The following HDAC7 variants were observed in gnomAD, a reference collection of about 807,000 sequenced individuals.
The protein encoded by HDAC7 is histone deacetylase 7A.
Under a neutral mutation model 115.5 loss-of-function variants are expected in HDAC7, and 26 were observed. The ratio of observed to expected loss-of-function variants is 0.23; its 90% confidence interval spans 0.16 to 0.31. The LOEUF (loss-of-function observed/expected upper bound fraction) is 0.31, where lower values mean the gene tolerates loss of function less well. HDAC7 is among the 10% of genes least tolerant of loss of function. The pLI is 1.00. For synonymous variants in HDAC7, 564 were observed against 550.9 expected (o/e 1.02, Z -0.33); for missense variants, 1,068 against 1,329.0 (o/e 0.80, Z 3.05).
Position 47,797,855 on chromosome 12 carries a change from G to GGTGTGTGTGTGTGTGTGTGTGT in HDAC7, c.461+231_461+252dup, listed in dbSNP as rs373121556. Among the ~76,000 whole-genome samples, 75 of 123,942 alleles carry GGTGTGTGTGTGTGTGTGTGTGT rather than the reference G, an allele frequency of 6.1e-4. No individual in the cohort carries two copies. The highest frequency in any genetic ancestry group is 1.8e-3 in the Admixed American group (23 of 12,454). The allele number at this position is 123,942 out of a possible 152,430, so 81.3% of individuals were successfully genotyped here. A position where few individuals can be genotyped will look rare whatever the true frequency, so the allele number is the denominator to read the frequency against. On this transcript the variant is annotated intron_variant, in intron 5 of 25. Transcript: ENST00000080059. The surrounding 1 kb of genome is among the most constrained non-coding windows in gnomAD (Gnocchi z 5.5). ...TCATGTGCAAGAAAAAAGCCAGTAGGGTGTGTGTGTGTGTGTGTGTGTGTG... is the reference window on the plus strand; with the variant it reads ...TCATGTGCAAGAAAAAAGCCAGTAGGGTGTGTGTGTGTGTGTGTGTGTGTGTGTGTGTGTGTGTGTGTGTGTG...
intron 14 of HDAC7, 70 bp downstream of exon 14, chr12:47,791,801 G>GGCCCCCCCCCCC: frequency 6.6e-7 from 1 of 1,511,064 alleles, no homozygotes; most frequent in Non-Finnish European, 9.0e-7. Flanking sequence ...GGGCCCCAGG[G>GGCCCCCCCCCCC]CCCCCCACCC....
rs565493930 is a variant in HDAC7, at chr12:47,803,685, T to C, written c.20-1411A>G. Among the ~76,000 whole-genome samples, 2 of 152,350 alleles carry C rather than the reference T, an allele frequency of 1.3e-5. No homozygotes were observed. The highest frequency in any genetic ancestry group is 4.8e-5 in the African/African-American group (2 of 41,578). ...GTGCCCTGTGGAAGCCATGCCCATC[T>C]GCACCAAACACCTCGCAGGGCACGT... is the stretch of plus-strand genomic sequence containing the variant. On this transcript the variant is annotated intron_variant, in intron 1 of 25. Coordinates refer to ENST00000080059, the MANE Select transcript of HDAC7 (RefSeq NM_015401.5). The surrounding 1 kb of genome is among the most constrained non-coding windows in gnomAD (Gnocchi z 4.0).
chr12:47,811,952 C>T (rs542862453), intron 1 of HDAC7, among the ~76,000 whole-genome samples: 5 of 152,332 alleles, frequency 3.3e-5, no homozygotes, highest in South Asian at 2.1e-4. Context: ...CTTCCAGAGC[C>T]GCTGTGCTGG....
Position 47,793,379 on chromosome 12 carries a change from G to C in HDAC7, c.1668C>G (p.Pro556=), listed in dbSNP as rs1943631508. The part of the protein sequence containing the change: ...SSSETPARTL[P]FTTGLIYDSV... ...TCCTCCCGGTCTCACCTGTGGTGAA[G>C]GGCAGGGTCCTGGCAGGGGTCTCTG... The change falls in exon 13 of 26, where the codon CCC becomes CCG. Residue 556 remains proline (P), a synonymous_variant. Coordinates refer to ENST00000080059, the MANE Select transcript of HDAC7 (RefSeq NM_015401.5). The surrounding 1 kb of genome is among the most constrained non-coding windows in gnomAD (Gnocchi z 4.5). 1.3e-6 allele frequency: 2 copies of C among 1,486,900 alleles called. No individual in the cohort carries two copies. The highest frequency in any genetic ancestry group is 2.0e-5 in the Admixed American group (1 of 48,818). 92.1% of individuals were successfully genotyped at this position (1,486,900 alleles called of 1,614,324 possible). A position where few individuals can be genotyped will look rare whatever the true frequency, so the allele number is the denominator to read the frequency against.
intron 24 of HDAC7, chr12:47,784,525 G>T: frequency 1.6e-6 from 1 of 614,680 alleles, no homozygotes; most frequent in Non-Finnish European, 2.8e-6. Flanking sequence ...CGGGGCTCCT[G>T]AGAGCATCAG....
At position 47,784,221 on chromosome 12, in the gene HDAC7, G is replaced by A. The variant is rs1293258301; in HGVS notation, c.2792-4C>T. On this transcript the variant is annotated splice_polypyrimidine_tract_variant and splice_region_variant and intron_variant, in intron 24 of 25. Transcript: ENST00000080059. ...TGCATGCAGCCCCAGTATTTACCTG[G>A]GGTAAGATGCCAGGTCAGAAAGGGT... 1.2e-6 allele frequency: 2 copies of A among 1,608,848 alleles called. No homozygotes were observed. The highest frequency in any genetic ancestry group is 1.7e-6 in the Non-Finnish European group (2 of 1,177,616).
Position 47,797,069 on chromosome 12 carries a change from T to A in HDAC7, c.651A>T (p.Arg217=). The A allele has an allele frequency of 1.2e-6, 2 of 1,607,060 alleles. No individual in the cohort carries two copies. Among genetic ancestry groups the A allele is most frequent in the Non-Finnish European group, 1.7e-6 (2 of 1,176,864 alleles). ...SLERRKNPLL[R]KESAPPSLRR... The stretch of plus-strand genomic sequence containing the variant: ...GGAGGCTGGGGGGCGCACTCTCCTT[T>A]CGGAGCAGTGGATTCTTCCTCCGCT... The change falls in exon 7 of 26, where the codon CGA becomes CGT. Residue 217 remains arginine, a synonymous_variant. Transcript: ENST00000080059. The surrounding 1 kb of genome is among the most constrained non-coding windows in gnomAD (Gnocchi z 5.5).
intron 13 of HDAC7, chr12:47,792,662 G>T: frequency 2.2e-6 from 1 of 455,974 alleles, no homozygotes; most frequent in Non-Finnish European, 4.4e-6. Flanking sequence ...TACTTCTTTA[G>T]AGTGAACCTT....
Position 47,785,907 on chromosome 12 carries a change from A to G in HDAC7, c.2573-22T>C, listed in dbSNP as rs1199884451. 3 of 1,567,736 alleles carry G rather than the reference A, an allele frequency of 1.9e-6. No individual in the cohort carries two copies. In the African/African-American group the frequency reaches 4.1e-5, roughly 21 times the overall value. ...AAACCTAGAGGTTGGGAGGGGAGAAATGGGAGGGGCGGGAGTGGAGAGGTG... is the reference window on the plus strand; with the variant it reads ...AAACCTAGAGGTTGGGAGGGGAGAAGTGGGAGGGGCGGGAGTGGAGAGGTG... On this transcript the variant is annotated intron_variant, in intron 22 of 25. Transcript: ENST00000080059.
intron 23 of HDAC7, 132 bp downstream of exon 23, chr12:47,785,620 C>A: frequency 7.3e-7 from 1 of 1,374,632 alleles, no homozygotes; most frequent in East Asian, 2.5e-5. Context: ...CAGAGGCTTC[C>A]GCTTCGCCTA....
intron 1 of HDAC7, among the ~76,000 whole-genome samples, chr12:47,808,194 G>C (rs1944484924): frequency 6.6e-6 from 1 of 152,204 alleles, no homozygotes; most frequent in African/African-American, 2.4e-5. Flanking sequence ...GCTATTTTTA[G>C]CTCTTGACAC....
chr12:47,798,260 C>T lies in HDAC7; in HGVS notation c.350-41G>A. On this transcript the variant is annotated intron_variant, in intron 4 of 25. Coordinates refer to ENST00000080059, the MANE Select transcript of HDAC7 (RefSeq NM_015401.5). The surrounding 1 kb of genome is among the most constrained non-coding windows in gnomAD (Gnocchi z 4.3). ...CAGGAGGGGGCTGGAGGTGGGTGGA[C>T]AGGCGGCCTCGTGGCACTACCTGGC... is the stretch of plus-strand genomic sequence containing the variant. 6.7e-7 allele frequency: 1 copy of T among 1,503,446 alleles called. No homozygotes were observed. The highest frequency in any genetic ancestry group is 9.2e-7 in the Non-Finnish European group (1 of 1,081,392). 93.1% of individuals were successfully genotyped at this position (1,503,446 alleles called of 1,614,324 possible).
In HDAC7 at chr12:47,819,762, C is replaced by A; in HGVS notation, c.19+5G>T. 1.2e-6 allele frequency: 1 copy of A among 865,312 alleles called. No homozygotes were observed. Among genetic ancestry groups the A allele is most frequent in the Non-Finnish European group, 1.4e-6 (1 of 706,354 alleles). The allele number at this position is 865,312 out of a possible 1,614,324, so 53.6% of individuals were successfully genotyped here. ...CGGGGCGGGGGGCGGCCGCCCAGTA[C>A]TCACCAGCGCCGGGGCTGTGCATCC... On this transcript the variant is annotated splice_donor_5th_base_variant and intron_variant, in intron 1 of 25. Transcript: ENST00000080059.
At chr12:47,794,655 G>T in intron 12 of HDAC7, 105 bp downstream of exon 12, 2 of 1,191,674 alleles carry the variant, frequency 1.7e-6, no homozygotes, top group Non-Finnish European at 1.1e-6. Context: ...GGGTCCTAGA[G>T]CTGCCTGTTG....
chr12:47,794,757 T>C lies in HDAC7; in HGVS notation c.1458+3A>G, dbSNP rs1485773148. 1.3e-6 allele frequency: 2 copies of C among 1,588,730 alleles called. No individual in the cohort carries two copies. The highest frequency in any genetic ancestry group is 1.4e-5 in the African/African-American group (1 of 73,958). On this transcript the variant is annotated splice_donor_region_variant and intron_variant, in intron 12 of 25. Transcript: ENST00000080059. ...TCTGAGGGGCAGGTGGGGACTGCCA[T>C]ACCTGAGGGTGCTGCTGGAGAGGAG... is the stretch of plus-strand genomic sequence containing the variant.
intron 13 of HDAC7, 45 bp from the exon 14 acceptor site, chr12:47,792,049 C>T (rs767000836): frequency 3.2e-6 from 5 of 1,553,786 alleles, no homozygotes; most frequent in Non-Finnish European, 3.5e-6. Context: ...AGTCCTCACG[C>T]CCCATGGCCT....
chr12:47,801,243 G>A (rs1944151383), intron 2 of HDAC7, among the ~76,000 whole-genome samples: 1 of 152,206 alleles, frequency 6.6e-6, no homozygotes, highest in South Asian at 2.1e-4. Flanking sequence ...GCTCCATAGG[G>A]CAGGGAGTTG....
chr12:47,789,802 A>C lies in HDAC7; in HGVS notation c.2091+11T>G, dbSNP rs760068501. ...TTTGTGGTGTGTCCACCTTCAACCCAAACCTCCTACCTTTAGCTCACGAGA... is the reference window on the plus strand; with the variant it reads ...TTTGTGGTGTGTCCACCTTCAACCCCAACCTCCTACCTTTAGCTCACGAGA... On this transcript the variant is annotated intron_variant, in intron 17 of 25. Coordinates refer to ENST00000080059, the MANE Select transcript of HDAC7 (RefSeq NM_015401.5). 1.0e-5 allele frequency: 16 copies of C among 1,608,026 alleles called. No individual in the cohort carries two copies. Among genetic ancestry groups the C allele is most frequent in the African/African-American group, 1.3e-5 (1 of 74,824 alleles).
chr12:47,815,893 AT>A lies in HDAC7; in HGVS notation c.19+3873del, dbSNP rs34394540. Among the ~76,000 whole-genome samples the A allele has an allele frequency of 9.9e-3, 1,166 of 118,258 alleles. 21 individuals carry two copies. Among genetic ancestry groups the A allele is most frequent in the African/African-American group, 0.032 (968 of 30,546 alleles). The allele number at this position is 118,258 out of a possible 152,430, so 77.6% of individuals were successfully genotyped here. On this transcript the variant is annotated intron_variant, in intron 1 of 25. Transcript: ENST00000080059. Reference sequence around the variant, plus strand: ...CCCAAAGCCACCGCGTCCAGCCAGGATTTTTTTTTTTTTTTTTTTTTACAGA... The same window carrying A: ...CCCAAAGCCACCGCGTCCAGCCAGGATTTTTTTTTTTTTTTTTTTTACAGA...
Sources: allele counts gnomAD v4.1 joint callset (sites outside exome capture counted in the v4.1 genomes callset), GRCh38; gene constraint gnomAD v4.1.1; non-coding constraint Gnocchi (gnomAD v3.1); transcripts MANE v1.5; gene names NCBI Gene and HGNC (gene_info 2026-07-23, HGNC 2026-07-21).